The following CREB3L2 variants were observed in gnomAD, a reference collection of about 807,000 sequenced individuals.
CREB3L2 encodes the protein cAMP responsive element binding protein 3 like 2.
Under a neutral mutation model 57.2 loss-of-function variants are expected in CREB3L2, and 23 were observed. The observed-to-expected ratio is 0.40, with a 90% CI of 0.29 to 0.57. The LOEUF (loss-of-function observed/expected upper bound fraction) is 0.57, where lower values mean the gene tolerates loss of function less well. Among genes scored for constraint, CREB3L2 ranks in the 20% least tolerant of loss-of-function variants. CREB3L2 has a pLI of 0.42. For synonymous variants in CREB3L2, 268 were observed against 265.1 expected (o/e 1.01, Z -0.11); for missense variants, 628 against 634.7 (o/e 0.99, Z 0.11).
At chr7:137,975,214 T>C (rs1332676056) in intron 1 of CREB3L2, among the ~76,000 whole-genome samples, 1 of 152,202 alleles carries the variant, frequency 6.6e-6, no homozygotes, top group Non-Finnish European at 1.5e-5. Context: ...AGGCCATCAG[T>C]TGTACAGAAC....
intron 5 of CREB3L2, 43 bp downstream of exon 5, chr7:137,908,209 G>C: frequency 1.6e-6 from 2 of 1,212,716 alleles, no homozygotes; most frequent in South Asian, 4.2e-5. Context: ...GGAATGAATG[G>C]AGAGGGTTCC....
At chr7:137,904,450 G>C (rs559094970) in intron 6 of CREB3L2, among the ~76,000 whole-genome samples, 2 of 152,322 alleles carry the variant, frequency 1.3e-5, no homozygotes, top group East Asian at 3.9e-4. Flanking sequence ...TAGATCACCT[G>C]AGGTCAGGAG....
Position 137,901,358 on chromosome 7 carries a change from T to C in CREB3L2, c.1039A>G (p.Asn347Asp). Residue 347 changes from asparagine (N) to aspartate (D), a missense_variant, in exon 8 of 12, where the codon AAT (asparagine) becomes GAT (aspartate). Coordinates refer to ENST00000330387, the MANE Select transcript of CREB3L2 (RefSeq NM_194071.4). ...TCTCAGTCCAGTGACACTTACCTAT[T>C]AGTGTTCTCTAGAACCTCTACCTTC... ...RKKVEVLENT[N>D]RTLLQQLQKL... The C allele has an allele frequency of 6.4e-7, 1 of 1,570,712 alleles. No homozygotes were observed. The highest frequency in any genetic ancestry group is 8.8e-7 in the Non-Finnish European group (1 of 1,141,134).
intron 8 of CREB3L2, among the ~76,000 whole-genome samples, chr7:137,886,416 G>A (rs552649859): frequency 6.6e-6 from 1 of 151,742 alleles, no homozygotes; most frequent in South Asian, 2.1e-4. Context: ...CCAGAGGTGG[G>A]GGCTGTGACT....
intron 1 of CREB3L2, among the ~76,000 whole-genome samples, chr7:137,966,580 C>G (rs1801411028): frequency 6.6e-6 from 1 of 152,156 alleles, no homozygotes; most frequent in Non-Finnish European, 1.5e-5. Flanking sequence ...ACAGACAGCT[C>G]AATTTGGAGA....
In CREB3L2 at chr7:137,875,818, T is replaced by C. The variant is rs1156747304; in HGVS notation, c.*4658A>G. The C allele has an allele frequency of 2.2e-5, 5 of 223,988 alleles. No homozygotes were observed. The highest frequency in any genetic ancestry group is 4.5e-5 in the Non-Finnish European group (5 of 112,296). 13.9% of individuals were successfully genotyped at this position (223,988 alleles called of 1,614,324 possible). A position where few individuals can be genotyped will look rare whatever the true frequency, so the allele number is the denominator to read the frequency against. On this transcript the variant is annotated 3_prime_UTR_variant, in exon 12 of 12. Transcript: ENST00000330387. ...TTACTTAGCACAGCACGCAACACCCTAGTAAATGCTCAAGAAATATTATTT... is the reference window on the plus strand; with the variant it reads ...TTACTTAGCACAGCACGCAACACCCCAGTAAATGCTCAAGAAATATTATTT...
chr7:137,946,904 A>C (rs11981596), intron 1 of CREB3L2, among the ~76,000 whole-genome samples: 534 of 45,812 alleles, frequency 0.012, 128 homozygotes, highest in Non-Finnish European at 0.017. Context: ...ATATAGTTAT[A>C]TATATAGTTA....
Position 137,980,148 on chromosome 7 carries a change from C to T in CREB3L2, c.102+21456G>A, listed in dbSNP as rs1028218924. Reference sequence around the variant, plus strand: ...ACAAACTCCCAGGAGATGAATGTTGCCAGACCATGGACCATGCTTTGAGTA... The same window carrying T: ...ACAAACTCCCAGGAGATGAATGTTGTCAGACCATGGACCATGCTTTGAGTA... On this transcript the variant is annotated intron_variant, in intron 1 of 11. Transcript: ENST00000330387. The surrounding 1 kb of genome is among the most constrained non-coding windows in gnomAD (Gnocchi z 4.3). 1.3e-5 allele frequency among the ~76,000 whole-genome samples: 2 copies of T among 152,196 alleles called. No homozygotes were observed. Among genetic ancestry groups the T allele is most frequent in the Non-Finnish European group, 2.9e-5 (2 of 68,034 alleles).
intron 8 of CREB3L2, among the ~76,000 whole-genome samples, chr7:137,889,620 T>C (rs1799494811): frequency 6.6e-6 from 1 of 152,182 alleles, no homozygotes; most frequent in African/African-American, 2.4e-5. Flanking sequence ...CTCCTACTGG[T>C]GCTGGAGAAA....
At chr7:137,976,764 AT>A (rs1223638577) in intron 1 of CREB3L2, among the ~76,000 whole-genome samples, 16 of 152,316 alleles carry the variant, frequency 1.1e-4, no homozygotes, top group Middle Eastern at 3.4e-3. Context: ...AGGCATTAGT[AT>A]TTTTTAAAAA....
chr7:137,938,412 C>A (rs893982591), intron 1 of CREB3L2, among the ~76,000 whole-genome samples: 1 of 152,094 alleles, frequency 6.6e-6, no homozygotes, highest in Non-Finnish European at 1.5e-5. Context: ...GTGGTGCGAT[C>A]TCGGCTCACT....
rs60762009 is a variant in CREB3L2 at position 137,999,379 on chromosome 7, TACACAC to T, written c.102+2219_102+2224del. 7.3e-3 allele frequency among the ~76,000 whole-genome samples: 1,043 copies of T among 142,416 alleles called. 14 individuals carry two copies. Among genetic ancestry groups the T allele is most frequent in the African/African-American group, 0.024 (934 of 38,736 alleles). The allele number at this position is 142,416 out of a possible 152,430, so 93.4% of individuals were successfully genotyped here. ...ATAATGTTTATTGTTTATGTTCCCCTACACACACACACACACACACACACACACACA... is the reference window on the plus strand; with the variant it reads ...ATAATGTTTATTGTTTATGTTCCCCTACACACACACACACACACACACACA... On this transcript the variant is annotated intron_variant, in intron 1 of 11. Coordinates refer to ENST00000330387, the MANE Select transcript of CREB3L2 (RefSeq NM_194071.4).
chr7:137,947,890 T>C (rs1801025420), intron 1 of CREB3L2, among the ~76,000 whole-genome samples: 1 of 152,158 alleles, frequency 6.6e-6, no homozygotes, highest in East Asian at 1.9e-4. Flanking sequence ...CCCTGCCCTG[T>C]CTTTACAGGA....
At chr7:137,928,846 T>C (rs1312421307) in intron 1 of CREB3L2, among the ~76,000 whole-genome samples, 1 of 152,042 alleles carries the variant, frequency 6.6e-6, no homozygotes, top group African/African-American at 2.4e-5. Flanking sequence ...CTCACACCCA[T>C]GGGGCGGGAA....
intron 1 of CREB3L2, among the ~76,000 whole-genome samples, chr7:137,960,162 A>G (rs1357296711): frequency 1.3e-5 from 2 of 152,254 alleles, no homozygotes; most frequent in East Asian, 3.8e-4. Flanking sequence ...TTTATAGGGC[A>G]GTAAACCAAG....
intron 2 of CREB3L2, among the ~76,000 whole-genome samples, chr7:137,921,823 CT>C (rs1248386927): frequency 6.6e-6 from 1 of 152,128 alleles, no homozygotes; most frequent in Non-Finnish European, 1.5e-5. Context: ...CTATGTCCAC[CT>C]TTTTCTTTTC....
intron 8 of CREB3L2, among the ~76,000 whole-genome samples, chr7:137,892,906 A>C (rs972236005): frequency 6.6e-6 from 1 of 152,168 alleles, no homozygotes; most frequent in Non-Finnish European, 1.5e-5. Context: ...TTTCATAAGG[A>C]TATTTAAGGA....
At chr7:137,997,171 G>C (rs1289823752) in intron 1 of CREB3L2, among the ~76,000 whole-genome samples, 2 of 151,976 alleles carry the variant, frequency 1.3e-5, no homozygotes, top group African/African-American at 4.8e-5. Flanking sequence ...AGAACACTTG[G>C]TTGAAAATTA....
In CREB3L2 at chr7:137,876,967, C is replaced by G. The variant is rs988217606; in HGVS notation, c.*3509G>C. ...CTTGTATGACATGTGGGCAGAGGAG[C>G]TGGCCTGGAGAGGCCTCTAATTCTG... On this transcript the variant is annotated 3_prime_UTR_variant, in exon 12 of 12. Transcript: ENST00000330387. 7 of 231,578 alleles carry G rather than the reference C, an allele frequency of 3.0e-5. No homozygotes were observed. The highest frequency in any genetic ancestry group is 6.0e-5 in the Non-Finnish European group (7 of 117,004). 14.3% of individuals were successfully genotyped at this position (231,578 alleles called of 1,614,324 possible).
Sources: allele counts gnomAD v4.1 joint callset (sites outside exome capture counted in the v4.1 genomes callset), GRCh38; gene constraint gnomAD v4.1.1; non-coding constraint Gnocchi (gnomAD v3.1); transcripts MANE v1.5; gene names NCBI Gene and HGNC (gene_info 2026-07-23, HGNC 2026-07-21).